Variants in ATP1B1 observed in about 807,000 individuals in gnomAD.
ATP1B1 encodes the protein ATPase Na+/K+ transporting subunit beta 1, also known as sodium/potassium-transporting ATPase subunit beta-1.
In ATP1B1, 3 loss-of-function variants were observed where a neutral mutation model predicts 39.6. The observed-to-expected ratio is 0.08, with a 90% confidence interval of 0.03 to 0.20. The LOEUF (loss-of-function observed/expected upper bound fraction) is 0.20. ATP1B1 is among the 10% of genes least tolerant of loss of function. The pLI is 1.00. For missense variants in ATP1B1, 216 were observed against 371.1 expected (o/e 0.58, Z 3.43); for synonymous variants, 139 against 135.0 (o/e 1.03, Z -0.20).
At chr1:169,127,898 A>T (rs1418940593) in intron 4 of ATP1B1, among the ~76,000 whole-genome samples, 1 of 152,188 alleles carries the variant, frequency 6.6e-6, no homozygotes, top group Non-Finnish European at 1.5e-5. Context: ...TGATAATCTG[A>T]AAAAATATTT....
At chr1:169,114,747 G>A (rs546012987) in intron 2 of ATP1B1, among the ~76,000 whole-genome samples, 8 of 152,226 alleles carry the variant, frequency 5.3e-5, no homozygotes, top group African/African-American at 7.2e-5. Context: ...TGTTGCAGCC[G>A]GTGTGGTAGC....
At chr1:169,110,771 G>A (rs1571219057) in intron 1 of ATP1B1, 1 of 998,842 alleles carries the variant, frequency 1.0e-6, no homozygotes, top group East Asian at 6.2e-5. Context: ...GGGAAAGAGT[G>A]TGCTTTGTTG....
intron 4 of ATP1B1, among the ~76,000 whole-genome samples, chr1:169,127,855 C>T (rs1400589379): frequency 1.3e-5 from 2 of 151,820 alleles, no homozygotes; most frequent in Non-Finnish European, 2.9e-5. Context: ...CAGTTTTGGT[C>T]CTCTGGAAGC....
At chr1:169,127,837 G>A (rs1167627140) in intron 4 of ATP1B1, among the ~76,000 whole-genome samples, 1 of 151,936 alleles carries the variant, frequency 6.6e-6, no homozygotes, top group Non-Finnish European at 1.5e-5. Context: ...CCACTTGCAT[G>A]TATAGTCCAG....
chr1:169,131,234 G>A lies in ATP1B1; in HGVS notation c.649-58G>A. 3 of 1,531,426 alleles carry A rather than the reference G, an allele frequency of 2.0e-6. No homozygotes were observed. Among genetic ancestry groups the A allele is most frequent in the South Asian group, 1.3e-5 (1 of 76,614 alleles). 94.9% of individuals were successfully genotyped at this position (1,531,426 alleles called of 1,614,324 possible). A position where few individuals can be genotyped will look rare whatever the true frequency, so the allele number is the denominator to read the frequency against. On this transcript the variant is annotated intron_variant, in intron 5 of 5. Coordinates refer to ENST00000367815, the MANE Select transcript of ATP1B1 (RefSeq NM_001677.4). This position sits in a 1 kb window ranked among gnomAD's most constrained non-coding sequence, Gnocchi z 4.4. ...TGTGTAGATTGAGTCTTGTTTTTGA[G>A]TACACATAGTGATGCATGATGTGAG...
At chr1:169,120,573 A>G (rs1474651671) in intron 2 of ATP1B1, among the ~76,000 whole-genome samples, 1 of 152,232 alleles carries the variant, frequency 6.6e-6, no homozygotes, top group East Asian at 1.9e-4. Flanking sequence ...CAGGGTTCTA[A>G]GACTCCGTGC....
At chr1:169,116,002 CGCA>C (rs1242054480) in intron 2 of ATP1B1, among the ~76,000 whole-genome samples, 4 of 152,198 alleles carry the variant, frequency 2.6e-5, no homozygotes, top group South Asian at 2.1e-4. Context: ...TGGGGAGAGA[CGCA>C]GCAATTAGCT....
intron 5 of ATP1B1, among the ~76,000 whole-genome samples, chr1:169,130,531 G>A (rs1658188708): frequency 1.3e-5 from 2 of 152,098 alleles, no homozygotes; most frequent in Non-Finnish European, 2.9e-5. Flanking sequence ...GCTCACGCCT[G>A]TAATCCTAGC....
rs34447553 is a variant in ATP1B1, at chr1:169,132,019, ATTTTTTTTTTTT to A, written c.*475_*486del. The A allele has an allele frequency of 6.8e-5, 13 of 190,950 alleles. No homozygotes were observed. The highest frequency in any genetic ancestry group is 1.2e-4 in the Non-Finnish European group (12 of 102,322). The allele number at this position is 190,950 out of a possible 1,614,324, so 11.8% of individuals were successfully genotyped here. ...CAACGGGAATAAAACTGGCATGGTA[ATTTTTTTTTTTT>A]TTTTTTTTTTGTTTTTTGGCTCTTT... On this transcript the variant is annotated 3_prime_UTR_variant, in exon 6 of 6. Transcript: ENST00000367815.
chr1:169,129,358 T>C (rs553798593), intron 4 of ATP1B1, among the ~76,000 whole-genome samples: 1 of 152,104 alleles, frequency 6.6e-6, no homozygotes, highest in Non-Finnish European at 1.5e-5. Context: ...TCTGGATATT[T>C]CATGACAGCA....
intron 3 of ATP1B1, among the ~76,000 whole-genome samples, chr1:169,126,674 G>C (rs1034139976): frequency 6.6e-6 from 1 of 152,038 alleles, no homozygotes; most frequent in Non-Finnish European, 1.5e-5. Context: ...TCATGCTGCC[G>C]CACTCCAACC....
At chr1:169,107,517 A>G (rs571128325) in intron 1 of ATP1B1, among the ~76,000 whole-genome samples, 15 of 152,288 alleles carry the variant, frequency 9.8e-5, no homozygotes, top group South Asian at 2.1e-4. Flanking sequence ...AAATGGTTCA[A>G]TAAGCTCCAT....
intron 4 of ATP1B1, among the ~76,000 whole-genome samples, chr1:169,129,619 G>A (rs1332256162): frequency 2.0e-5 from 3 of 152,174 alleles, no homozygotes; most frequent in Non-Finnish European, 2.9e-5. Context: ...GAAAGCCCAC[G>A]CTTTATAAAA....
At chr1:169,116,093 G>A (rs1246700985) in intron 2 of ATP1B1, among the ~76,000 whole-genome samples, 1 of 152,230 alleles carries the variant, frequency 6.6e-6, no homozygotes, top group Non-Finnish European at 1.5e-5. Flanking sequence ...GCACACACAC[G>A]CATGCTCATG....
At chr1:169,113,909 C>G (rs979850423) in intron 2 of ATP1B1, among the ~76,000 whole-genome samples, 1 of 152,228 alleles carries the variant, frequency 6.6e-6, no homozygotes, top group African/African-American at 2.4e-5. Context: ...TCCCCCATCA[C>G]CTTTCAGGAG....
chr1:169,131,726 C>A lies in ATP1B1; in HGVS notation c.*171C>A. The A allele has an allele frequency of 3.9e-6, 3 of 761,672 alleles. No individual in the cohort carries two copies. Among genetic ancestry groups the A allele is most frequent in the Non-Finnish European group, 5.9e-6 (3 of 506,758 alleles). The allele number at this position is 761,672 out of a possible 1,614,324, so 47.2% of individuals were successfully genotyped here. The stretch of plus-strand genomic sequence containing the variant: ...GGTTAGAATGTAAATTAAAGTGTAG[C>A]AATAGCAACAAAATATTTATTCTAC... On this transcript the variant is annotated 3_prime_UTR_variant, in exon 6 of 6. Transcript: ENST00000367815. The surrounding 1 kb of genome is among the most constrained non-coding windows in gnomAD (Gnocchi z 4.4).
chr1:169,129,123 G>T (rs1658148810), intron 4 of ATP1B1, among the ~76,000 whole-genome samples: 2 of 152,176 alleles, frequency 1.3e-5, no homozygotes, highest in South Asian at 2.1e-4. Context: ...GTCAAATCTA[G>T]ACGATCATTT....
In ATP1B1 at chr1:169,124,914, C is replaced by T. The variant is rs1278856557; in HGVS notation, c.257C>T (p.Thr86Ile). The T allele has an allele frequency of 6.2e-7, 1 of 1,613,870 alleles. No individual in the cohort carries two copies. Among genetic ancestry groups the T allele is most frequent in the Non-Finnish European group, 8.5e-7 (1 of 1,179,950 alleles). The change falls in exon 3 of 6, where the codon ACT (threonine) becomes ATT (isoleucine). Residue 86 changes from threonine (T) to isoleucine (I), a missense_variant. By Grantham distance (89) the Thr-to-Ile change is moderately conservative. Transcript: ENST00000367815. ...GLTQIPQIQK[T>I]EISFRPNDPK... The stretch of plus-strand genomic sequence containing the variant: ...ACACAGATTCCTCAGATCCAGAAGA[C>T]TGAAATTTCCTTTCGTCCTAATGAT...
chr1:169,131,459 T>C lies in ATP1B1; in HGVS notation c.816T>C (p.Ile272=), dbSNP rs377755946. The C allele has an allele frequency of 1.1e-5, 17 of 1,614,160 alleles. No homozygotes were observed. The highest frequency in any genetic ancestry group is 1.6e-4 in the Middle Eastern group (1 of 6,062). The change falls in exon 6 of 6, where the codon ATT becomes ATC. Residue 272 remains isoleucine (I), a synonymous_variant. Transcript: ENST00000367815. This position sits in a 1 kb window ranked among gnomAD's most constrained non-coding sequence, Gnocchi z 4.4. ...QFTNLTMDTE[I]RIECKAYGEN... ...CCAATCTTACCATGGACACTGAAAT[T>C]CGCATAGAGTGTAAGGCGTACGGTG...
Sources: allele counts gnomAD v4.1 joint callset (sites outside exome capture counted in the v4.1 genomes callset), GRCh38; gene constraint gnomAD v4.1.1; non-coding constraint Gnocchi (gnomAD v3.1); transcripts MANE v1.5; gene names NCBI Gene and HGNC (gene_info 2026-07-23, HGNC 2026-07-21).